The following NEGR1 variants were observed in gnomAD, a reference collection of about 807,000 sequenced individuals.
NEGR1 encodes the protein neuronal growth regulator 1.
A neutral mutation model predicts 40.9 loss-of-function variants in NEGR1; 10 were observed. The observed-to-expected ratio is 0.24, with a 90% CI of 0.15 to 0.42. The LOEUF is 0.42. Ranked by LOEUF, NEGR1 falls within the 10% of genes least tolerant of loss-of-function variation. The pLI, the probability that NEGR1 is intolerant of heterozygous loss-of-function variation, is 1.00. For synonymous variants in NEGR1, 185 were observed against 166.8 expected, an observed-to-expected ratio of 1.11 and a Z score of -0.84; for missense variants, 352 against 438.9, an observed-to-expected ratio of 0.80 and a Z score of 1.77.
intron 6 of NEGR1, among the ~76,000 whole-genome samples, chr1:71,473,281 T>A (rs1177400087): frequency 2.6e-5 from 4 of 152,018 alleles, no homozygotes; most frequent in Non-Finnish European, 5.9e-5. Context: ...AAGAAGAAGA[T>A]CTTAAAAGCT....
intron 1 of NEGR1, among the ~76,000 whole-genome samples, chr1:72,074,661 CTG>C (rs1168684264): frequency 6.6e-6 from 1 of 152,076 alleles, no homozygotes; most frequent in Non-Finnish European, 1.5e-5. Flanking sequence ...TATTCAAAAA[CTG>C]TGATTAAGCA....
intron 2 of NEGR1, among the ~76,000 whole-genome samples, chr1:71,913,736 T>C (rs1661488476): frequency 6.6e-6 from 1 of 152,044 alleles, no homozygotes; most frequent in Non-Finnish European, 1.5e-5. Flanking sequence ...AAAGAATGGA[T>C]GGCACATAGA....
intron 1 of NEGR1, among the ~76,000 whole-genome samples, chr1:72,263,911 T>C (rs554360823): frequency 1.5e-4 from 23 of 151,658 alleles, no homozygotes; most frequent in African/African-American, 5.1e-4. Flanking sequence ...CTATGTAGAT[T>C]CATTTCCCCT....
At chr1:72,052,328 C>G (rs1314841530) in intron 1 of NEGR1, among the ~76,000 whole-genome samples, 1 of 151,360 alleles carries the variant, frequency 6.6e-6, no homozygotes, top group African/African-American at 2.4e-5. Flanking sequence ...ACACAGGCTG[C>G]ATAATTCTGA....
intron 6 of NEGR1, among the ~76,000 whole-genome samples, chr1:71,591,827 A>C (rs1570076075): frequency 6.6e-6 from 1 of 152,270 alleles, no homozygotes; most frequent in East Asian, 1.9e-4. Flanking sequence ...AACTTATTAC[A>C]GTATATTTTT....
intron 3 of NEGR1, among the ~76,000 whole-genome samples, chr1:71,743,553 A>T (rs1655283036): frequency 6.6e-6 from 1 of 152,172 alleles, no homozygotes; most frequent in Non-Finnish European, 1.5e-5. Context: ...TGGTATTTTT[A>T]AAAATAATCT....
At chr1:72,030,830 T>A (rs1646851925) in intron 1 of NEGR1, among the ~76,000 whole-genome samples, 1 of 152,038 alleles carries the variant, frequency 6.6e-6, no homozygotes, top group Admixed American at 6.6e-5. Context: ...CATACAAAAA[T>A]ATTGGCTGAG....
chr1:71,774,448 G>A (rs903381154), intron 3 of NEGR1, among the ~76,000 whole-genome samples: 2 of 152,084 alleles, frequency 1.3e-5, no homozygotes, highest in Non-Finnish European at 2.9e-5. Flanking sequence ...AATATATATT[G>A]CAGATATATT....
Position 71,793,700 on chromosome 1 carries a change from T to C in NEGR1, c.410-17403A>G, listed in dbSNP as rs566843015. 3.9e-5 allele frequency among the ~76,000 whole-genome samples: 6 copies of C among 152,214 alleles called. No homozygotes were observed. In the South Asian group the frequency reaches 8.3e-4, roughly 21 times the overall value. ...TTCATCAAGTGAATCCAGTAATATA[T>C]ATAAAAATTTTGCCTAAGCAAGTGT... On this transcript the variant is annotated intron_variant, in intron 2 of 6. Coordinates refer to ENST00000357731, the MANE Select transcript of NEGR1 (RefSeq NM_173808.3).
intron 1 of NEGR1, among the ~76,000 whole-genome samples, chr1:71,942,455 C>CTCTA (rs1553123457): frequency 4.7e-5 from 1 of 21,298 alleles, no homozygotes; most frequent in Non-Finnish European, 8.1e-5. Flanking sequence ...TTCTTTAAAT[C>CTCTA]TATATATATA....
chr1:72,192,169 A>G (rs1354938307), intron 1 of NEGR1, among the ~76,000 whole-genome samples: 1 of 151,826 alleles, frequency 6.6e-6, no homozygotes, highest in African/African-American at 2.4e-5. Flanking sequence ...ATTTTATGAA[A>G]ATGCAGGGTG....
chr1:71,551,810 T>A (rs1570019752), intron 6 of NEGR1, among the ~76,000 whole-genome samples: 1 of 151,636 alleles, frequency 6.6e-6, no homozygotes, highest in East Asian at 2.0e-4. Context: ...CTCTGCAATT[T>A]CATTTAAAGA....
chr1:72,177,973 T>C (rs1652237609), intron 1 of NEGR1, among the ~76,000 whole-genome samples: 1 of 152,138 alleles, frequency 6.6e-6, no homozygotes, highest in East Asian at 1.9e-4. Flanking sequence ...GAAAAAGTCA[T>C]ATGTGTCTAG....
At chr1:72,152,955 G>C (rs1374541214) in intron 1 of NEGR1, among the ~76,000 whole-genome samples, 3 of 151,784 alleles carry the variant, frequency 2.0e-5, no homozygotes, top group African/African-American at 4.8e-5. Flanking sequence ...CATCAATATG[G>C]AAACAATAGA....
At chr1:71,539,702 G>T (rs888914366) in intron 6 of NEGR1, among the ~76,000 whole-genome samples, 5 of 151,522 alleles carry the variant, frequency 3.3e-5, no homozygotes, top group African/African-American at 1.2e-4. Context: ...TATCATCCTG[G>T]TAAATATCCT....
intron 2 of NEGR1, among the ~76,000 whole-genome samples, chr1:71,931,618 T>G (rs940489417): frequency 2.0e-5 from 3 of 152,020 alleles, no homozygotes; most frequent in African/African-American, 7.2e-5. Flanking sequence ...TCACAACAAC[T>G]AACCCAATCC....
At chr1:72,084,848 A>G (rs1033718029) in intron 1 of NEGR1, among the ~76,000 whole-genome samples, 14 of 152,238 alleles carry the variant, frequency 9.2e-5, no homozygotes, top group African/African-American at 3.1e-4. Flanking sequence ...AATATCTGTT[A>G]AAAGTCACAT....
intron 6 of NEGR1, among the ~76,000 whole-genome samples, chr1:71,585,688 C>A (rs1162218650): frequency 8.9e-5 from 10 of 112,606 alleles, no homozygotes; most frequent in Admixed American, 8.3e-4. Flanking sequence ...ACCTCTCCAT[C>A]TTTTTTTTTT....
At chr1:71,927,851 A>AAAAAAG (rs1557437874) in intron 2 of NEGR1, among the ~76,000 whole-genome samples, 5 of 125,382 alleles carry the variant, frequency 4.0e-5, no homozygotes, top group African/African-American at 1.6e-4. Context: ...AAAAAAAAAA[A>AAAAAAG]GCCAGGCAGA....
Sources: allele counts gnomAD v4.1 joint callset (sites outside exome capture counted in the v4.1 genomes callset), GRCh38; gene constraint gnomAD v4.1.1; transcripts MANE v1.5; gene names NCBI Gene and HGNC (gene_info 2026-07-23, HGNC 2026-07-21).